The following HSP90B1 variants were observed in gnomAD, a reference collection of about 807,000 sequenced individuals.
HSP90B1 encodes the protein endoplasmin.
In HSP90B1, 27 loss-of-function variants were observed where a neutral mutation model predicts 100.4. The observed-to-expected ratio is 0.27, with a 90% CI of 0.20 to 0.37. The LOEUF is 0.37. HSP90B1 is among the 10% of genes least tolerant of loss of function. The pLI, the probability that HSP90B1 is intolerant of heterozygous loss-of-function variation, is 1.00. For synonymous variants in HSP90B1, 304 were observed against 330.8 expected (o/e 0.92, Z 0.88); for missense variants, 678 against 960.5 (o/e 0.71, Z 3.89).
chr12:103,937,436 G>A (rs1412414447), intron 5 of HSP90B1, among the ~76,000 whole-genome samples: 1 of 152,164 alleles, frequency 6.6e-6, no homozygotes, highest in African/African-American at 2.4e-5. Flanking sequence ...TATTCAGACG[G>A]TTGGGAATAT....
rs755552464 is a variant in HSP90B1 at position 103,942,540 on chromosome 12, A to G, written c.1388A>G (p.Lys463Arg). 11 of 1,613,726 alleles carry G rather than the reference A, an allele frequency of 6.8e-6. No homozygotes were observed. The highest frequency in any genetic ancestry group is 6.8e-6 in the Non-Finnish European group (8 of 1,179,746). ...CATTGTGTTTAGGTGATTAGGAAGA[A>G]GCTTGTTCGTAAAACGCTGGACATG... ...QHKLLKVIRK[K>R]LVRKTLDMIK... The change falls in exon 12 of 18, where the codon AAG (lysine) becomes AGG (arginine). Residue 463 changes from lysine (K) to arginine (R), a missense_variant. By Grantham distance (26) the Lys-to-Arg change is conservative. Transcript: ENST00000299767.
At chr12:103,932,041 A>G in intron 2 of HSP90B1, 1 of 474,328 alleles carries the variant, frequency 2.1e-6, no homozygotes, top group Non-Finnish European at 3.7e-6. Flanking sequence ...TAGTAGAGGA[A>G]AGTTGGGATT....
chr12:103,933,949 C>G lies in HSP90B1; in HGVS notation c.412-7C>G. ...ATACAACTATCTGGTTCTTGTCTTG[C>G]ATTTAGTGTGATAAGGAGAAGAACC... On this transcript the variant is annotated splice_region_variant and splice_polypyrimidine_tract_variant and intron_variant, in intron 4 of 17. Coordinates refer to ENST00000299767, the MANE Select transcript of HSP90B1 (RefSeq NM_003299.3). The G allele has an allele frequency of 6.2e-7, 1 of 1,603,304 alleles. No homozygotes were observed. Among genetic ancestry groups the G allele is most frequent in the African/African-American group, 1.3e-5 (1 of 74,678 alleles).
chr12:103,943,223 C>T lies in HSP90B1; in HGVS notation c.1794C>T (p.Phe598=), dbSNP rs1184596619. 5.6e-6 allele frequency: 9 copies of T among 1,613,796 alleles called. No homozygotes were observed. The highest frequency in any genetic ancestry group is 6.8e-6 in the Non-Finnish European group (8 of 1,179,994). ...ATGTTGCCAAGGAAGGAGTGAAGTT[C>T]GATGAAAGTGAGAAAACTAAGGAGA... ...FQNVAKEGVK[F]DESEKTKESR... The change falls in exon 13 of 18, where the codon TTC becomes TTT. Residue 598 remains phenylalanine (F), a synonymous_variant. Coordinates refer to ENST00000299767, the MANE Select transcript of HSP90B1 (RefSeq NM_003299.3). This position sits in a 1 kb window ranked among gnomAD's most constrained non-coding sequence, Gnocchi z 5.3.
In HSP90B1 at chr12:103,932,260, C is replaced by A. The variant is rs771486980; in HGVS notation, c.153-17C>A. 6 of 1,595,062 alleles carry A rather than the reference C, an allele frequency of 3.8e-6. No homozygotes were observed. The South Asian group carries it at 5.7e-5, about 15-fold the overall frequency. ...ACTATGCCATGCAATATTTGCTTAC[C>A]TAACTGATTTCCTTAGAGAGGAAGA... On this transcript the variant is annotated splice_polypyrimidine_tract_variant and intron_variant, in intron 2 of 17. Coordinates refer to ENST00000299767, the MANE Select transcript of HSP90B1 (RefSeq NM_003299.3).
intron 2 of HSP90B1, 23 bp from the exon 3 acceptor site, chr12:103,932,254 G>T: frequency 1.3e-6 from 2 of 1,591,394 alleles, no homozygotes; most frequent in Non-Finnish European, 1.7e-6. Flanking sequence ...TGCAATATTT[G>T]CTTACCTAAC....
rs749915295 is a variant in HSP90B1, at chr12:103,943,220, G to T, written c.1791G>T (p.Lys597Asn). Reference sequence around the variant, plus strand: ...AGAATGTTGCCAAGGAAGGAGTGAAGTTCGATGAAAGTGAGAAAACTAAGG... The same window carrying T: ...AGAATGTTGCCAAGGAAGGAGTGAATTTCGATGAAAGTGAGAAAACTAAGG... ...RFQNVAKEGV[K>N]FDESEKTKES... Residue 597 changes from lysine (K) to asparagine (N), a missense_variant, in exon 13 of 18, where the codon AAG becomes AAT. Around this residue, in one of 8 missense-constraint regions of HSP90B1, gnomAD observed 170 missense variants for 236.7 expected, o/e 0.72. Coordinates refer to ENST00000299767, the MANE Select transcript of HSP90B1 (RefSeq NM_003299.3). This position sits in a 1 kb window ranked among gnomAD's most constrained non-coding sequence, Gnocchi z 5.3. 6.2e-7 allele frequency: 1 copy of T among 1,614,178 alleles called. No homozygotes were observed. The highest frequency in any genetic ancestry group is 8.5e-7 in the Non-Finnish European group (1 of 1,180,030).
At chr12:103,932,535 T>A in intron 3 of HSP90B1, 117 bp downstream of exon 3, 1 of 829,262 alleles carries the variant, frequency 1.2e-6, no homozygotes, top group Non-Finnish European at 1.9e-6. Flanking sequence ...TAACAACCTT[T>A]AAATACCTAA....
chr12:103,946,665 C>T lies in HSP90B1; in HGVS notation c.2075C>T (p.Pro692Leu), dbSNP rs372636341. Residue 692 changes from proline (P) to leucine (L), a missense_variant, in exon 15 of 18, where the codon CCG becomes CTG. Physicochemically the swap from Pro to Leu is moderately conservative, Grantham distance 98. This residue lies in a region of HSP90B1 where 64 missense variants were observed against 66.4 expected (regional missense o/e 0.96). Coordinates refer to ENST00000299767, the MANE Select transcript of HSP90B1 (RefSeq NM_003299.3). Reference protein sequence around the residue: ...KKTFEINPRHPLIRDMLRRIK... With the variant: ...KKTFEINPRHLLIRDMLRRIK... ...ACATTTGAAATTAATCCCAGACACC[C>T]GCTGATCAGAGACATGCTTCGACGA... 93 of 1,613,806 alleles carry T rather than the reference C, an allele frequency of 5.8e-5. 2 individuals are homozygous for T. In the Admixed American group the frequency reaches 8.2e-4, roughly 14 times the overall value.
At chr12:103,937,586 G>A (rs1005683738) in intron 5 of HSP90B1, 109 bp from the exon 6 acceptor site, 2 of 654,256 alleles carry the variant, frequency 3.1e-6, no homozygotes, top group Non-Finnish European at 5.6e-6. Context: ...GAATAATTAG[G>A]ACATCTTGGA....
At chr12:103,934,344 C>G (rs1392760897) in intron 5 of HSP90B1, 57 bp downstream of exon 5, 1 of 1,323,814 alleles carries the variant, frequency 7.6e-7, no homozygotes, top group Non-Finnish European at 1.1e-6. Flanking sequence ...TCTTGACTCT[C>G]CAGTTCTATT....
At chr12:103,944,272 G>C (rs1042674010) in intron 14 of HSP90B1, among the ~76,000 whole-genome samples, 3 of 152,064 alleles carry the variant, frequency 2.0e-5, no homozygotes, top group Non-Finnish European at 4.4e-5. Context: ...ACACCCCCAA[G>C]CATTAAATTA....
At chr12:103,941,055 G>C (rs1009125187) in intron 8 of HSP90B1, among the ~76,000 whole-genome samples, 3 of 152,148 alleles carry the variant, frequency 2.0e-5, no homozygotes, top group African/African-American at 7.2e-5. Flanking sequence ...CTGAAGTGTT[G>C]TATGTAATTT....
chr12:103,947,769 T>C lies in HSP90B1; in HGVS notation c.*107T>C. The C allele has an allele frequency of 1.0e-6, 1 of 957,884 alleles. No homozygotes were observed. The highest frequency in any genetic ancestry group is 1.7e-6 in the Non-Finnish European group (1 of 592,084). 59.3% of individuals were successfully genotyped at this position (957,884 alleles called of 1,614,324 possible). A position where few individuals can be genotyped will look rare whatever the true frequency, so the allele number is the denominator to read the frequency against. ...GATGCCCCCTAATCCCCTTCTCCCCTGCACTGTAAAATGTGGGATTATGGG... is the reference window on the plus strand; with the variant it reads ...GATGCCCCCTAATCCCCTTCTCCCCCGCACTGTAAAATGTGGGATTATGGG... On this transcript the variant is annotated 3_prime_UTR_variant, in exon 18 of 18. Transcript: ENST00000299767.
At chr12:103,931,733 T>G in intron 2 of HSP90B1, 110 bp downstream of exon 2, 1 of 774,832 alleles carries the variant, frequency 1.3e-6, no homozygotes, top group Non-Finnish European at 2.3e-6. Flanking sequence ...TCTAACACCC[T>G]GTATTTAAAT....
At chr12:103,941,303 TGTTA>T (rs1870070110) in intron 8 of HSP90B1, 103 bp from the exon 9 acceptor site, 6 of 1,151,382 alleles carry the variant, frequency 5.2e-6, no homozygotes, top group Non-Finnish European at 7.3e-6. Flanking sequence ...GAAAATTTTT[TGTTA>T]GTTAATTGCT....
rs374882602 is a variant in HSP90B1 at position 103,934,414 on chromosome 12, G to A, written c.743+127G>A. The A allele has an allele frequency of 1.9e-5, 15 of 772,348 alleles. 1 individual carries two copies. The highest frequency in any genetic ancestry group is 1.1e-4 in the African/African-American group (6 of 57,004). 47.8% of individuals were successfully genotyped at this position (772,348 alleles called of 1,614,324 possible). ...TCCTGCCTTATAAAATGAGGAAACA[G>A]AACTGTTGTCACTTGAAGAAATGTT... On this transcript the variant is annotated intron_variant, in intron 5 of 17. Coordinates refer to ENST00000299767, the MANE Select transcript of HSP90B1 (RefSeq NM_003299.3).
rs1021883917 is a variant in HSP90B1 at position 103,947,678 on chromosome 12, T to A, written c.*16T>A. The A allele has an allele frequency of 6.3e-7, 1 of 1,590,280 alleles. No individual in the cohort carries two copies. The highest frequency in any genetic ancestry group is 8.6e-7 in the Non-Finnish European group (1 of 1,158,904). ...TGAATTGTAAATTATACTCTCACCA[T>A]TTGGATCCTGTGTGGAGAGGGAATG... On this transcript the variant is annotated 3_prime_UTR_variant, in exon 18 of 18. Coordinates refer to ENST00000299767, the MANE Select transcript of HSP90B1 (RefSeq NM_003299.3).
intron 4 of HSP90B1, 24 bp from the exon 5 acceptor site, chr12:103,933,932 A>G: frequency 6.4e-7 from 1 of 1,573,834 alleles, no homozygotes; most frequent in Non-Finnish European, 8.7e-7. Context: ...AAATACAACT[A>G]TCTGGTTCTT....
Sources: allele counts gnomAD v4.1 joint callset (sites outside exome capture counted in the v4.1 genomes callset), GRCh38; gene constraint gnomAD v4.1.1; regional missense constraint gnomAD v4.1.1; non-coding constraint Gnocchi (gnomAD v3.1); transcripts MANE v1.5; gene names NCBI Gene and HGNC (gene_info 2026-07-23, HGNC 2026-07-21).